The following MYT1L variants were observed in gnomAD, a reference collection of about 807,000 sequenced individuals.
MYT1L encodes the protein myelin transcription factor 1 like, also known as myelin transcription factor 1-like protein.
In MYT1L, 12 loss-of-function variants were observed where a neutral mutation model predicts 126.7. That is an observed-to-expected ratio of 0.09 (90% CI 0.06 to 0.15). The LOEUF is 0.15. Ranked by LOEUF, MYT1L falls within the 10% of genes least tolerant of loss-of-function variation. The probability of loss-of-function intolerance (pLI) is 1.00; values close to 1 mark genes in which losing one functional copy is unlikely to be tolerated. For missense variants in MYT1L, 979 were observed against 1,585.2 expected (o/e 0.62, Z 6.49); for synonymous variants, 541 against 604.2 (o/e 0.90, Z 1.53).
At chr2:1,828,847 A>C (rs76179743) in intron 21 of MYT1L, among the ~76,000 whole-genome samples, 9,494 of 152,320 alleles carry the variant, frequency 0.062, 472 homozygotes, top group African/African-American at 0.14. Context: ...AAGAGGGCCT[A>C]GGGAAGGACT....
intron 4 of MYT1L, among the ~76,000 whole-genome samples, chr2:2,037,782 C>A (rs1394303343): frequency 2.7e-5 from 4 of 148,014 alleles, no homozygotes; most frequent in Non-Finnish European, 5.9e-5. Flanking sequence ...CAAAACAAAA[C>A]CCCCCCAAAA....
At chr2:2,219,530 A>G (rs2093793419) in intron 2 of MYT1L, among the ~76,000 whole-genome samples, 1 of 152,222 alleles carries the variant, frequency 6.6e-6, no homozygotes, top group Non-Finnish European at 1.5e-5. Context: ...AGCTCCCACA[A>G]TTTAGCCTAA....
chr2:2,183,973 G>A (rs948786333), intron 2 of MYT1L, among the ~76,000 whole-genome samples: 14 of 127,866 alleles, frequency 1.1e-4, no homozygotes, highest in Middle Eastern at 4.0e-3. Context: ...GGGAAGAAGA[G>A]AAAGAAAGAG....
chr2:1,995,244 C>G (rs573181095), intron 5 of MYT1L, among the ~76,000 whole-genome samples: 1 of 152,130 alleles, frequency 6.6e-6, no homozygotes, highest in East Asian at 1.9e-4. Flanking sequence ...TGTGAACACT[C>G]TAGCATGTGT....
intron 2 of MYT1L, among the ~76,000 whole-genome samples, chr2:2,184,035 GAGAAAA>G (rs756996378): frequency 1.0e-4 from 15 of 147,864 alleles, no homozygotes; most frequent in African/African-American, 2.2e-4. Flanking sequence ...GACAGAAAGA[GAGAAAA>G]AGAAAAAGAA....
chr2:2,133,780 G>T lies in MYT1L; in HGVS notation c.-304+39092C>A, dbSNP rs186124880. On this transcript the variant is annotated intron_variant, in intron 3 of 24. Coordinates refer to ENST00000647738, the MANE Select transcript of MYT1L (RefSeq NM_001303052.2). ...ATGAAAGGGAAATGTTTGCAGTGAGGTCATGTGCCCTCCTTCCCCAGGCTA... is the reference window on the plus strand; with the variant it reads ...ATGAAAGGGAAATGTTTGCAGTGAGTTCATGTGCCCTCCTTCCCCAGGCTA... Among the ~76,000 whole-genome samples, 41 of 152,218 alleles carry T rather than the reference G, an allele frequency of 2.7e-4. 1 individual carries two copies. The East Asian group carries it at 7.9e-3, about 29-fold the overall frequency.
rs766265862 is a variant in MYT1L, at chr2:1,887,519, G to T, written c.2611C>A (p.Gln871Lys). The change falls in exon 17 of 25, where the codon CAG (glutamine) becomes AAG (lysine). Residue 871 changes from glutamine (Q) to lysine (K), a missense_variant. Gln to Lys is a moderately conservative substitution (Grantham distance 53, BLOSUM62 1). Transcript: ENST00000647738. This position sits in a 1 kb window ranked among gnomAD's most constrained non-coding sequence, Gnocchi z 4.8. The stretch of plus-strand genomic sequence containing the variant: ...AAGTCCTTTTTGCTCTCCTTGCACT[G>T]AGGGTACTTGGGTTTGGGACTTGGG... ...TIPSPKPKYP[Q>K]CKESKKDLIT... is the part of the protein sequence containing the mutation. 1 of 1,614,002 alleles carries T rather than the reference G, an allele frequency of 6.2e-7. No homozygotes were observed. The highest frequency in any genetic ancestry group is 8.5e-7 in the Non-Finnish European group (1 of 1,179,888).
At chr2:2,080,829 A>G (rs1356045443) in intron 3 of MYT1L, among the ~76,000 whole-genome samples, 2 of 152,224 alleles carry the variant, frequency 1.3e-5, no homozygotes, top group African/African-American at 4.8e-5. Context: ...TTAACATGTG[A>G]CACAGCAATT....
At position 1,954,234 on chromosome 2, in the gene MYT1L, G is replaced by A. The variant is rs192378323; in HGVS notation, c.153-10900C>T. 2.3e-3 allele frequency among the ~76,000 whole-genome samples: 351 copies of A among 152,272 alleles called. 1 individual carries two copies. The highest frequency in any genetic ancestry group is 3.1e-3 in the Non-Finnish European group (208 of 68,030). On this transcript the variant is annotated intron_variant, in intron 8 of 24. Coordinates refer to ENST00000647738, the MANE Select transcript of MYT1L (RefSeq NM_001303052.2). ...GGCCAACACAAACGCTGAAGTCACCGTGAGTCAGAAAACATACGGCAAACG... is the reference window on the plus strand; with the variant it reads ...GGCCAACACAAACGCTGAAGTCACCATGAGTCAGAAAACATACGGCAAACG...
intron 8 of MYT1L, among the ~76,000 whole-genome samples, chr2:1,947,209 G>A (rs2057309421): frequency 6.6e-6 from 1 of 152,284 alleles, no homozygotes; most frequent in Middle Eastern, 3.4e-3. Flanking sequence ...CTGGGGGTAA[G>A]GTGGGGCTCC....
intron 1 of MYT1L, among the ~76,000 whole-genome samples, chr2:2,316,751 G>T (rs2096071030): frequency 6.6e-6 from 1 of 152,114 alleles, no homozygotes; most frequent in African/African-American, 2.4e-5. Context: ...GGGAAAGTTA[G>T]GTTTCAGTTA....
At chr2:2,071,121 T>C (rs6707484) in intron 3 of MYT1L, among the ~76,000 whole-genome samples, 134 of 152,300 alleles carry the variant, frequency 8.8e-4, no homozygotes, top group Middle Eastern at 3.4e-3. Context: ...TTCTGATTTA[T>C]ACCATGGAAA....
rs183902451 is a variant in MYT1L at position 1,848,286 on chromosome 2, G to A, written c.2774+3355C>T. On this transcript the variant is annotated intron_variant, in intron 19 of 24. Coordinates refer to ENST00000647738, the MANE Select transcript of MYT1L (RefSeq NM_001303052.2). This position sits in a 1 kb window ranked among gnomAD's most constrained non-coding sequence, Gnocchi z 4.8. ...GGAGGGAGAATTCTACAGACACCACGGAAGCGCGAGGCATTTGTCCTGGGA... is the reference window on the plus strand; with the variant it reads ...GGAGGGAGAATTCTACAGACACCACAGAAGCGCGAGGCATTTGTCCTGGGA... Among the ~76,000 whole-genome samples, 2 of 50,890 alleles carry A rather than the reference G, an allele frequency of 3.9e-5. No homozygotes were observed. Among genetic ancestry groups the A allele is most frequent in the Admixed American group, 1.5e-4 (1 of 6,790 alleles). 33.4% of individuals were successfully genotyped at this position (50,890 alleles called of 152,430 possible).
chr2:2,098,053 C>T (rs1559001421), intron 3 of MYT1L, among the ~76,000 whole-genome samples: 2 of 152,166 alleles, frequency 1.3e-5, no homozygotes, highest in Non-Finnish European at 2.9e-5. Flanking sequence ...TGGAAGCTTC[C>T]TGAGGCCCTT....
At chr2:2,043,985 G>GA (rs1239362963) in intron 4 of MYT1L, among the ~76,000 whole-genome samples, 4 of 151,252 alleles carry the variant, frequency 2.6e-5, no homozygotes, top group South Asian at 2.1e-4. Flanking sequence ...TTTGTTTTTT[G>GA]AAAAAAAATG....
intron 18 of MYT1L, among the ~76,000 whole-genome samples, chr2:1,875,556 C>A (rs1370998531): frequency 3.9e-5 from 6 of 152,238 alleles, no homozygotes; most frequent in Non-Finnish European, 8.8e-5. Flanking sequence ...AAAATCAAAG[C>A]AGTTCTCTGA....
chr2:1,954,807 G>A (rs1440259835), intron 8 of MYT1L, among the ~76,000 whole-genome samples: 1 of 152,056 alleles, frequency 6.6e-6, no homozygotes, highest in African/African-American at 2.4e-5. Flanking sequence ...GCTCACTCCT[G>A]TAATCCCAGC....
chr2:1,843,492 G>T (rs1055593914), intron 19 of MYT1L, among the ~76,000 whole-genome samples: 1 of 140,000 alleles, frequency 7.1e-6, no homozygotes, highest in Non-Finnish European at 1.5e-5. Context: ...CCTTCCTAGG[G>T]AGAATTACGA....
In MYT1L at chr2:1,910,374, G is replaced by T. The variant is rs759766406; in HGVS notation, c.1710-27C>A. On this transcript the variant is annotated intron_variant, in intron 12 of 24. Transcript: ENST00000647738. This position sits in a 1 kb window ranked among gnomAD's most constrained non-coding sequence, Gnocchi z 4.8. ...TGCAATCACAGAAAGCGGGTTGAAT[G>T]GTCCCGCCTCAAACACCTTCACAGC... 1.9e-6 allele frequency: 3 copies of T among 1,582,752 alleles called. No homozygotes were observed. Among genetic ancestry groups the T allele is most frequent in the South Asian group, 1.1e-5 (1 of 90,406 alleles).
Sources: gnomAD v4.1 joint callset for allele counts (sites outside exome capture counted in the v4.1 genomes callset) on GRCh38, gnomAD v4.1.1 for gene constraint, Gnocchi (gnomAD v3.1) non-coding constraint, MANE v1.5 for transcripts, NCBI Gene and HGNC (gene_info 2026-07-23, HGNC 2026-07-21) for gene names.